Variants in COA5 observed in about 807,000 individuals in gnomAD.
COA5 encodes the protein cytochrome c oxidase assembly factor 5.
A neutral mutation model predicts 11.8 loss-of-function variants in COA5; 11 were observed. That is an observed-to-expected ratio of 0.93 (90% CI 0.59 to 1.54). The LOEUF is 1.54. COA5 is among the 40% of genes most tolerant of loss of function. The pLI is 0.00. For synonymous variants in COA5, 38 were observed against 37.5 expected, an observed-to-expected ratio of 1.01 and a Z score of -0.05; for missense variants, 87 against 89.2, an observed-to-expected ratio of 0.97 and a Z score of 0.10.
chr2:98,600,543 T>C lies in COA5; in HGVS notation c.*209A>G, dbSNP rs1700627464. ...CCAACCCATACCTGTTCAATTAGGT[T>C]TTTCTTCTAAAAATAACTTGGATCA... is the stretch of plus-strand genomic sequence containing the variant. On this transcript the variant is annotated 3_prime_UTR_variant, in exon 3 of 3. Transcript: ENST00000328709. The C allele has an allele frequency of 3.4e-6, 2 of 589,400 alleles. No individual in the cohort carries two copies. The highest frequency in any genetic ancestry group is 5.8e-5 in the East Asian group (2 of 34,736). The allele number at this position is 589,400 out of a possible 1,614,324, so 36.5% of individuals were successfully genotyped here.
chr2:98,604,394 G>C (rs1700683582), intron 1 of COA5: 2 of 558,296 alleles, frequency 3.6e-6, no homozygotes, highest in East Asian at 3.1e-5. Flanking sequence ...GGAACTTTAA[G>C]GACACTGTTG....
rs181023488 is a variant in COA5 at position 98,605,645 on chromosome 2, G to T, written c.100-1454C>A. On this transcript the variant is annotated intron_variant, in intron 1 of 2. Coordinates refer to ENST00000328709, the MANE Select transcript of COA5 (RefSeq NM_001008215.3). The stretch of plus-strand genomic sequence containing the variant: ...AAGCTTTTTTGCCTTCTGAGGTCAA[G>T]ATCAGTCAGTGCTCTCAAACATGGC... The T allele has an allele frequency of 3.9e-5, 6 of 152,356 alleles. No individual in the cohort carries two copies. The East Asian group carries it at 1.2e-3, about 29-fold the overall frequency. The allele number at this position is 152,356 out of a possible 1,614,324, so 9.4% of individuals were successfully genotyped here. A position where few individuals can be genotyped will look rare whatever the true frequency, so the allele number is the denominator to read the frequency against.
Position 98,600,659 on chromosome 2 carries a change from TGTA to T in COA5, c.*90_*92del. 9.4e-7 allele frequency: 1 copy of T among 1,066,252 alleles called. No individual in the cohort carries two copies. The highest frequency in any genetic ancestry group is 1.4e-6 in the Non-Finnish European group (1 of 702,042). The allele number at this position is 1,066,252 out of a possible 1,614,324, so 66.0% of individuals were successfully genotyped here. On this transcript the variant is annotated 3_prime_UTR_variant, in exon 3 of 3. Transcript: ENST00000328709. ...GGGAAATCTGGTCCAACCAAACAGA[TGTA>T]GTAAAAAGTATGTTTCCTGTTTTGG... is the stretch of plus-strand genomic sequence containing the variant.
chr2:98,607,604 T>C (rs1700726097), intron 1 of COA5, among the ~76,000 whole-genome samples: 1 of 152,192 alleles, frequency 6.6e-6, no homozygotes, highest in African/African-American at 2.4e-5. Context: ...TGCCCTCTCG[T>C]CGGGCCTCTG....
In COA5 at chr2:98,604,112, G is replaced by C; in HGVS notation, c.179C>G (p.Ser60Ter). ...LKYAFFECKR[S>*]VLDNRARFRG... Reference sequence around the variant, plus strand: ...TAAAAATCTTTAACCACTTACCACTGATCTTTTACACTCAAAAAATGCGTA... The same window carrying C: ...TAAAAATCTTTAACCACTTACCACTCATCTTTTACACTCAAAAAATGCGTA... Residue 60 changes from serine to a stop codon, truncating the protein, a stop_gained, in exon 2 of 3, where the codon TCA becomes TGA. Coordinates refer to ENST00000328709, the MANE Select transcript of COA5 (RefSeq NM_001008215.3). LOFTEE classifies it high-confidence loss of function. 1 of 1,612,126 alleles carries C rather than the reference G, an allele frequency of 6.2e-7. No homozygotes were observed.
chr2:98,606,485 G>A (rs1700706942), intron 1 of COA5, among the ~76,000 whole-genome samples: 1 of 152,180 alleles, frequency 6.6e-6, no homozygotes, highest in Admixed American at 6.5e-5. Context: ...GGCGGGAAAA[G>A]CAAAGTCTGT....
chr2:98,606,379 C>T (rs919360477), intron 1 of COA5, among the ~76,000 whole-genome samples: 11 of 152,218 alleles, frequency 7.2e-5, no homozygotes, highest in African/African-American at 1.9e-4. Flanking sequence ...ATGAATTTAA[C>T]ACAAACTGTA....
intron 2 of COA5, among the ~76,000 whole-genome samples, chr2:98,601,429 G>A (rs1231212655): frequency 6.6e-6 from 1 of 152,092 alleles, no homozygotes; most frequent in Non-Finnish European, 1.5e-5. Flanking sequence ...CAACTGATGA[G>A]CCCTGAAAAA....
At chr2:98,603,280 A>C (rs1700667880) in intron 2 of COA5, among the ~76,000 whole-genome samples, 1 of 152,250 alleles carries the variant, frequency 6.6e-6, no homozygotes, top group East Asian at 1.9e-4. Context: ...GGAGTTCAAG[A>C]CCAGCCTGGC....
At chr2:98,601,638 G>A (rs1700642785) in intron 2 of COA5, among the ~76,000 whole-genome samples, 1 of 152,126 alleles carries the variant, frequency 6.6e-6, no homozygotes, top group Admixed American at 6.5e-5. Context: ...TATATTGGGG[G>A]TCCCTAACCT....
chr2:98,608,087 A>C (rs1438186457), intron 1 of COA5, among the ~76,000 whole-genome samples: 5 of 152,238 alleles, frequency 3.3e-5, no homozygotes. Context: ...CCTTTACAAA[A>C]ACCCGACAGG....
chr2:98,603,345 G>C (rs1378061467), intron 2 of COA5, among the ~76,000 whole-genome samples: 1 of 152,188 alleles, frequency 6.6e-6, no homozygotes, highest in Non-Finnish European at 1.5e-5. Flanking sequence ...GCTGGGCACA[G>C]TGGCAGGCGC....
At chr2:98,603,376 G>A (rs559934536) in intron 2 of COA5, among the ~76,000 whole-genome samples, 2 of 152,204 alleles carry the variant, frequency 1.3e-5, no homozygotes, top group East Asian at 3.9e-4. Context: ...AGCTACTCAG[G>A]AGGCTGAGGC....
At chr2:98,601,086 A>C (rs922296076) in intron 2 of COA5, among the ~76,000 whole-genome samples, 1 of 152,112 alleles carries the variant, frequency 6.6e-6, no homozygotes, top group African/African-American at 2.4e-5. Context: ...TCTACTAAAA[A>C]ACACAAAAAT....
At chr2:98,607,378 T>C (rs1331377414) in intron 1 of COA5, among the ~76,000 whole-genome samples, 1 of 152,212 alleles carries the variant, frequency 6.6e-6, no homozygotes, top group East Asian at 1.9e-4. Flanking sequence ...TTGGGCGAGA[T>C]AATCTCTTAA....
Position 98,608,487 on chromosome 2 carries a change from G to A in COA5, c.-82C>T, listed in dbSNP as rs954456878. The A allele has an allele frequency of 2.0e-5, 22 of 1,103,100 alleles. No homozygotes were observed. The South Asian group carries it at 2.6e-4, about 13-fold the overall frequency. 68.3% of individuals were successfully genotyped at this position (1,103,100 alleles called of 1,614,324 possible). A position where few individuals can be genotyped will look rare whatever the true frequency, so the allele number is the denominator to read the frequency against. Reference sequence around the variant, plus strand: ...CGGGTCGGGAGCGAGCGAGGCCCCAGTCTCAGGGGACCGGAAGCCAGCGGC... The same window carrying A: ...CGGGTCGGGAGCGAGCGAGGCCCCAATCTCAGGGGACCGGAAGCCAGCGGC... On this transcript the variant is annotated 5_prime_UTR_variant, in exon 1 of 3. Coordinates refer to ENST00000328709, the MANE Select transcript of COA5 (RefSeq NM_001008215.3).
chr2:98,608,398 T>C lies in COA5; in HGVS notation c.8A>G (p.Lys3Arg). 2 of 1,600,042 alleles carry C rather than the reference T, an allele frequency of 1.2e-6. No homozygotes were observed. The highest frequency in any genetic ancestry group is 2.2e-5 in the South Asian group (2 of 89,434). MP[K>R]YYEDKPQGGA... ...GCCCTGCGGCTTGTCCTCATAATAC[T>C]TAGGCATGACGGCGCTTCCCCTCCG... Residue 3 changes from lysine to arginine, a missense_variant, in exon 1 of 3, where the codon AAG becomes AGG. By Grantham distance (26) the Lys-to-Arg change is conservative (BLOSUM62 2). Transcript: ENST00000328709.
At chr2:98,607,425 G>A (rs1700722052) in intron 1 of COA5, among the ~76,000 whole-genome samples, 1 of 152,222 alleles carries the variant, frequency 6.6e-6, no homozygotes, top group African/African-American at 2.4e-5. Flanking sequence ...ACATTGGGAG[G>A]CGAGAATGGC....
chr2:98,599,574 G>C lies in COA5; in HGVS notation c.*1178C>G, dbSNP rs1055023931. ...GCTGTGGAATTCTCACTTTTTAGTA[G>C]AACCTTTAAAAACTCAAGTGAGCTG... is the stretch of plus-strand genomic sequence containing the variant. On this transcript the variant is annotated 3_prime_UTR_variant, in exon 3 of 3. Coordinates refer to ENST00000328709, the MANE Select transcript of COA5 (RefSeq NM_001008215.3). The C allele has an allele frequency of 6.6e-6, 1 of 152,098 alleles. No individual in the cohort carries two copies. The highest frequency in any genetic ancestry group is 1.5e-5 in the Non-Finnish European group (1 of 68,032). The allele number at this position is 152,098 out of a possible 1,614,324, so 9.4% of individuals were successfully genotyped here. A position where few individuals can be genotyped will look rare whatever the true frequency, so the allele number is the denominator to read the frequency against.
Sources: gnomAD v4.1 joint callset for allele counts (sites outside exome capture counted in the v4.1 genomes callset) on GRCh38, gnomAD v4.1.1 for gene constraint, MANE v1.5 for transcripts, NCBI Gene and HGNC (gene_info 2026-07-23, HGNC 2026-07-21) for gene names.